Variants in ETV6 observed in about 807,000 individuals in gnomAD.
ETV6 encodes ETS variant transcription factor 6, also known as transcription factor ETV6.
A neutral mutation model predicts 51.1 loss-of-function variants in ETV6; 16 were observed. The ratio of observed to expected loss-of-function variants is 0.31; its 90% CI spans 0.21 to 0.48. The LOEUF (loss-of-function observed/expected upper bound fraction) is 0.48, where lower values mean the gene tolerates loss of function less well. ETV6 is among the 20% of genes least tolerant of loss of function. The pLI is 0.99. For synonymous variants in ETV6, 240 were observed against 224.1 expected (o/e 1.07, Z -0.64); for missense variants, 458 against 594.8 (o/e 0.77, Z 2.39).
chr12:11,694,767 C>T (rs1591614368), intron 1 of ETV6, among the ~76,000 whole-genome samples: 1 of 152,190 alleles, frequency 6.6e-6, no homozygotes, highest in East Asian at 1.9e-4. Context: ...CCATCTCTCT[C>T]TTTAGAAGAC....
chr12:11,728,061 C>G lies in ETV6; in HGVS notation c.34-24389C>G, dbSNP rs372908624. On this transcript the variant is annotated intron_variant, in intron 1 of 7. Transcript: ENST00000396373. ...TCTCGAACTCCTGACCTCAAGTGAT[C>G]TGCCCGCCTCGGTCTTCCAAAGTGC... Among the ~76,000 whole-genome samples, 7 of 152,278 alleles carry G rather than the reference C, an allele frequency of 4.6e-5. No homozygotes were observed. The East Asian group carries it at 9.6e-4, about 21-fold the overall frequency.
chr12:11,731,920 T>C (rs1056466730), intron 1 of ETV6, among the ~76,000 whole-genome samples: 14 of 152,158 alleles, frequency 9.2e-5, no homozygotes, highest in Admixed American at 6.5e-5. Context: ...CTTGTCCCAG[T>C]TTCCCTGGGA....
chr12:11,720,075 T>C (rs1269089808), intron 1 of ETV6, among the ~76,000 whole-genome samples: 5 of 152,278 alleles, frequency 3.3e-5, no homozygotes, highest in Middle Eastern at 3.4e-3. Context: ...TTCATACAGA[T>C]TTGGCAAAGG....
At chr12:11,833,797 CA>C (rs1946277244) in intron 2 of ETV6, among the ~76,000 whole-genome samples, 1 of 152,160 alleles carries the variant, frequency 6.6e-6, no homozygotes, top group South Asian at 2.1e-4. Context: ...TTAGGCTACA[CA>C]AAAAGCACTA....
At chr12:11,747,192 G>A (rs1157347317) in intron 1 of ETV6, among the ~76,000 whole-genome samples, 1 of 152,106 alleles carries the variant, frequency 6.6e-6, no homozygotes. Context: ...CATTTTCACA[G>A]GGTACACTCA....
At position 11,822,744 on chromosome 12, in the gene ETV6, G is replaced by A. The variant is rs188057785; in HGVS notation, c.164-16396G>A. Among the ~76,000 whole-genome samples, 7 of 152,358 alleles carry A rather than the reference G, an allele frequency of 4.6e-5. No individual in the cohort carries two copies. The East Asian group carries it at 1.2e-3, about 25-fold the overall frequency. On this transcript the variant is annotated intron_variant, in intron 2 of 7. Transcript: ENST00000396373. ...GAATTGCAAGTGAAGAGAAGAGGGA[G>A]TGGGGGAAGTAAAGGGAAAGTGATA... is the stretch of plus-strand genomic sequence containing the variant.
intron 1 of ETV6, among the ~76,000 whole-genome samples, chr12:11,697,643 C>T (rs1864900817): frequency 6.6e-6 from 1 of 152,118 alleles, no homozygotes; most frequent in Non-Finnish European, 1.5e-5. Context: ...AGTGGGGATA[C>T]TGATAAAAGG....
intron 1 of ETV6, among the ~76,000 whole-genome samples, chr12:11,658,988 T>C (rs556700659): frequency 1.3e-5 from 2 of 152,304 alleles, no homozygotes; most frequent in African/African-American, 4.8e-5. Flanking sequence ...GTGACTGGGG[T>C]GAGACTTGAA....
chr12:11,828,763 A>C (rs1946198938), intron 2 of ETV6, among the ~76,000 whole-genome samples: 1 of 149,848 alleles, frequency 6.7e-6, no homozygotes, highest in Non-Finnish European at 1.5e-5. Context: ...TCTCTTCCCC[A>C]CTCCCTTTTT....
rs114509782 is a variant in ETV6, at chr12:11,856,542, C to A, written c.463+2981C>A. Reference sequence around the variant, plus strand: ...CCAGGGAGAAGAGCTTTCCAAGGCACAGAAGTGATATGAAGAGGTGGCCCT... The same window carrying A: ...CCAGGGAGAAGAGCTTTCCAAGGCAAAGAAGTGATATGAAGAGGTGGCCCT... On this transcript the variant is annotated intron_variant, in intron 4 of 7. Transcript: ENST00000396373. 1.7e-3 allele frequency among the ~76,000 whole-genome samples: 263 copies of A among 152,228 alleles called. 1 individual carries two copies. The highest frequency in any genetic ancestry group is 6.1e-3 in the African/African-American group (253 of 41,526).
Position 11,891,298 on chromosome 12 carries a change from G to C in ETV6, c.*252G>C, listed in dbSNP as rs894800316. ...TCCATGTCACGTTTCCTTCTGATTT[G>C]GAATCTCTCCATCTGTAATTCCTCA... On this transcript the variant is annotated 3_prime_UTR_variant, in exon 8 of 8. Transcript: ENST00000396373. 1.1e-5 allele frequency: 5 copies of C among 438,602 alleles called. No homozygotes were observed. Among genetic ancestry groups the C allele is most frequent in the African/African-American group, 1.0e-4 (5 of 50,118 alleles). 27.2% of individuals were successfully genotyped at this position (438,602 alleles called of 1,614,324 possible). A position where few individuals can be genotyped will look rare whatever the true frequency, so the allele number is the denominator to read the frequency against.
At chr12:11,709,252 C>T (rs956197282) in intron 1 of ETV6, among the ~76,000 whole-genome samples, 4 of 152,186 alleles carry the variant, frequency 2.6e-5, no homozygotes, top group African/African-American at 4.8e-5. Flanking sequence ...CTACCCCTGC[C>T]CTCTTATCCC....
intron 1 of ETV6, among the ~76,000 whole-genome samples, chr12:11,674,615 T>TTGTGTGTGTG (rs5796457): frequency 0.014 from 1,832 of 133,184 alleles, 23 homozygotes; most frequent in African/African-American, 0.02. Context: ...TAGGGGTTAT[T>TTGTGTGTGTG]TGTGTGTGTG....
At chr12:11,654,644 A>T (rs981833819) in intron 1 of ETV6, among the ~76,000 whole-genome samples, 6 of 152,098 alleles carry the variant, frequency 3.9e-5, no homozygotes, top group Admixed American at 3.9e-4. Context: ...GAGAAGAGGA[A>T]GTAGTAGGAG....
intron 1 of ETV6, among the ~76,000 whole-genome samples, chr12:11,655,812 G>C (rs1692442091): frequency 6.6e-6 from 1 of 152,236 alleles, no homozygotes; most frequent in South Asian, 2.1e-4. Context: ...ATTGCCCCGT[G>C]TTAAGTGTGG....
At chr12:11,853,299 G>A in intron 3 of ETV6, 128 bp from the exon 4 acceptor site, 2 of 992,094 alleles carry the variant, frequency 2.0e-6, no homozygotes, top group East Asian at 4.8e-5. Context: ...CTTGGTGAGG[G>A]TAGGAGGTGG....
intron 1 of ETV6, among the ~76,000 whole-genome samples, chr12:11,742,468 G>GA (rs1033243094): frequency 1.2e-4 from 18 of 152,236 alleles, no homozygotes; most frequent in African/African-American, 3.6e-4. Flanking sequence ...ATGACTTCTG[G>GA]AAAAAATTTT....
intron 1 of ETV6, among the ~76,000 whole-genome samples, chr12:11,668,283 G>T (rs1396628687): frequency 1.3e-5 from 2 of 152,094 alleles, no homozygotes; most frequent in East Asian, 3.9e-4. Context: ...AATAACAAGT[G>T]CCCTGTGTAG....
chr12:11,734,589 G>A (rs1244884019), intron 1 of ETV6, among the ~76,000 whole-genome samples: 1 of 151,706 alleles, frequency 6.6e-6, no homozygotes, highest in Non-Finnish European at 1.5e-5. Context: ...ATAGGTATGT[G>A]GATTTATCAC....
Sources: allele counts gnomAD v4.1 joint callset (sites outside exome capture counted in the v4.1 genomes callset), GRCh38; gene constraint gnomAD v4.1.1; transcripts MANE v1.5; gene names NCBI Gene and HGNC (gene_info 2026-07-23, HGNC 2026-07-21).